UBOX5: variants seen among roughly 807,000 people sequenced by gnomAD.
The protein encoded by UBOX5 is RING finger protein 37.
In UBOX5, 28 loss-of-function variants were observed where a neutral mutation model predicts 39.0. The ratio of observed to expected loss-of-function variants is 0.72; its 90% CI spans 0.53 to 0.98. The LOEUF (loss-of-function observed/expected upper bound fraction) is 0.98. Among genes scored for constraint, UBOX5 ranks in the 50% least tolerant of loss-of-function variants. The pLI, the probability that UBOX5 is intolerant of heterozygous loss-of-function variation, is 0.00. For missense variants in UBOX5, 585 were observed against 674.4 expected, an observed-to-expected ratio of 0.87 and a Z score of 1.47; for synonymous variants, 283 against 275.5, an observed-to-expected ratio of 1.03 and a Z score of -0.27.
intron 1 of UBOX5, among the ~76,000 whole-genome samples, chr20:3,133,692 G>A (rs995557900): frequency 6.0e-5 from 9 of 151,198 alleles, no homozygotes; most frequent in Admixed American, 5.3e-4. Context: ...ACAAAACCCA[G>A]CACCTATCCT....
At chr20:3,111,490 C>T (rs960680249) in intron 4 of UBOX5, among the ~76,000 whole-genome samples, 6 of 152,186 alleles carry the variant, frequency 3.9e-5, no homozygotes, top group Admixed American at 2.0e-4. Context: ...TCCCAACTTT[C>T]GGGACAGTCA....
intron 4 of UBOX5, among the ~76,000 whole-genome samples, chr20:3,113,703 A>G (rs989569983): frequency 6.6e-6 from 1 of 152,208 alleles, no homozygotes; most frequent in African/African-American, 2.4e-5. Context: ...AAGGAACTCG[A>G]GAATGACTTC....
intron 1 of UBOX5, among the ~76,000 whole-genome samples, chr20:3,138,274 CA>C (rs60424679): frequency 0.16 from 16,546 of 105,880 alleles, 1,291 homozygotes; most frequent in East Asian, 0.45. Context: ...GAGACTGTCT[CA>C]AAAAAAAAAA....
At position 3,122,285 on chromosome 20, in the gene UBOX5, T is replaced by C; in HGVS notation, c.354A>G (p.Val118=). The change falls in exon 3 of 5, where the codon GTA becomes GTG. Residue 118 remains valine (V), a synonymous_variant. Transcript: ENST00000217173. ...SVPDKEAFTL[V]GKVLLKNQSQ... is the part of the protein sequence containing the mutation. The stretch of plus-strand genomic sequence containing the variant: ...TCTGGTTTTTCAGTAAGACTTTGCC[T>C]ACCAAGGTGAACGCCTCCTTGTCTG... 6.2e-7 allele frequency: 1 copy of C among 1,614,196 alleles called. No individual in the cohort carries two copies. The highest frequency in any genetic ancestry group is 8.5e-7 in the Non-Finnish European group (1 of 1,180,030).
intron 1 of UBOX5, among the ~76,000 whole-genome samples, chr20:3,143,780 A>G (rs996996316): frequency 3.9e-5 from 6 of 152,044 alleles, no homozygotes; most frequent in Non-Finnish European, 8.8e-5. Context: ...TGACAGAGTG[A>G]GACTCCGTCT....
intron 1 of UBOX5, among the ~76,000 whole-genome samples, chr20:3,150,200 A>C (rs2066610494): frequency 1.3e-5 from 2 of 152,146 alleles, no homozygotes; most frequent in African/African-American, 4.8e-5. Context: ...GAGAGTAGTC[A>C]CAGAGTAATG....
rs2066601214 is a variant in UBOX5 at position 3,149,290 on chromosome 20, G to A, written c.-42+10476C>T. On this transcript the variant is annotated intron_variant, in intron 1 of 4. Coordinates refer to ENST00000217173, the MANE Select transcript of UBOX5 (RefSeq NM_014948.4). This position sits in a 1 kb window ranked among gnomAD's most constrained non-coding sequence, Gnocchi z 4.1. ...AAAAAGGGTAGATGAAGAATGAGTG[G>A]CTTCTACCTATAAAAGCATCCAAAT... 3.7e-6 allele frequency: 2 copies of A among 544,900 alleles called. No individual in the cohort carries two copies. Among genetic ancestry groups the A allele is most frequent in the Non-Finnish European group, 3.3e-6 (1 of 306,020 alleles). The allele number at this position is 544,900 out of a possible 1,614,324, so 33.8% of individuals were successfully genotyped here. A position where few individuals can be genotyped will look rare whatever the true frequency, so the allele number is the denominator to read the frequency against.
chr20:3,147,337 G>A (rs760645353), intron 1 of UBOX5: 17 of 1,614,042 alleles, frequency 1.1e-5, no homozygotes, highest in South Asian at 2.2e-5. Context: ...AAATCATATG[G>A]TGCTTGACGT....
At chr20:3,117,182 G>C (rs2066299671) in intron 3 of UBOX5, among the ~76,000 whole-genome samples, 1 of 151,736 alleles carries the variant, frequency 6.6e-6, no homozygotes, top group Non-Finnish European at 1.5e-5. Context: ...GACAGGCAGA[G>C]TGGGTATTCC....
intron 4 of UBOX5, among the ~76,000 whole-genome samples, chr20:3,114,549 G>T (rs2066278515): frequency 6.6e-6 from 1 of 152,120 alleles, no homozygotes; most frequent in Non-Finnish European, 1.5e-5. Flanking sequence ...GACACTGACG[G>T]AAGTGTTAAT....
intron 1 of UBOX5, among the ~76,000 whole-genome samples, chr20:3,159,118 AAGAG>A (rs1568485707): frequency 6.6e-6 from 1 of 152,206 alleles, no homozygotes; most frequent in Non-Finnish European, 1.5e-5. Flanking sequence ...TTTGCACAGA[AAGAG>A]AAAGAGCAAC....
At chr20:3,118,998 G>C (rs1362631462) in intron 3 of UBOX5, among the ~76,000 whole-genome samples, 1 of 152,192 alleles carries the variant, frequency 6.6e-6, no homozygotes, top group Non-Finnish European at 1.5e-5. Flanking sequence ...GTTTGTCACT[G>C]ATCTGTGTTC....
chr20:3,129,514 C>G (rs1327795382), intron 1 of UBOX5, among the ~76,000 whole-genome samples: 1 of 152,112 alleles, frequency 6.6e-6, no homozygotes, highest in African/African-American at 2.4e-5. Flanking sequence ...GTGCACCGGC[C>G]TATCCTCATG....
At chr20:3,110,822 A>G (rs1300235701) in intron 4 of UBOX5, 3 of 158,574 alleles carry the variant, frequency 1.9e-5, no homozygotes, top group Non-Finnish European at 4.2e-5. Context: ...ACATAGTGAG[A>G]TACTGTCTCT....
chr20:3,149,208 A>AT lies in UBOX5; in HGVS notation c.-42+10557dup. The AT allele has an allele frequency of 1.2e-6, 1 of 850,174 alleles. No homozygotes were observed. The highest frequency in any genetic ancestry group is 1.8e-6 in the Non-Finnish European group (1 of 554,212). The allele number at this position is 850,174 out of a possible 1,614,324, so 52.7% of individuals were successfully genotyped here. ...CAAAAACTGCCTGGAAATCTTCAGCATATCACAAGAGCCAGGGATCACAAA... is the reference window on the plus strand; with the variant it reads ...CAAAAACTGCCTGGAAATCTTCAGCATTATCACAAGAGCCAGGGATCACAAA... On this transcript the variant is annotated intron_variant, in intron 1 of 4. Transcript: ENST00000217173. The surrounding 1 kb of genome is among the most constrained non-coding windows in gnomAD (Gnocchi z 4.1).
At chr20:3,134,865 CAA>C (rs879761300) in intron 1 of UBOX5, among the ~76,000 whole-genome samples, 2 of 125,840 alleles carry the variant, frequency 1.6e-5, no homozygotes, top group Non-Finnish European at 1.7e-5. Context: ...AACTCCGTCT[CAA>C]AAAAAAAAAA....
intron 1 of UBOX5, among the ~76,000 whole-genome samples, chr20:3,136,503 G>A (rs192128065): frequency 1.4e-3 from 218 of 150,966 alleles, no homozygotes; most frequent in Non-Finnish European, 2.3e-3. Flanking sequence ...ACAGGCATGC[G>A]CCATCACACT....
At chr20:3,132,374 A>T (rs957646894) in intron 1 of UBOX5, among the ~76,000 whole-genome samples, 22 of 152,220 alleles carry the variant, frequency 1.4e-4, no homozygotes, top group Admixed American at 1.0e-3. Context: ...ACCTTAAATT[A>T]TAAACTTAAT....
At chr20:3,143,968 A>C (rs1170522112) in intron 1 of UBOX5, among the ~76,000 whole-genome samples, 1 of 152,220 alleles carries the variant, frequency 6.6e-6, no homozygotes, top group Non-Finnish European at 1.5e-5. Flanking sequence ...AAACAAAACA[A>C]AACAAAAAAC....
Sources: gnomAD v4.1 joint callset for allele counts (sites outside exome capture counted in the v4.1 genomes callset) on GRCh38, gnomAD v4.1.1 for gene constraint, Gnocchi (gnomAD v3.1) non-coding constraint, MANE v1.5 for transcripts, NCBI Gene and HGNC (gene_info 2026-07-23, HGNC 2026-07-21) for gene names.